Variants in HP1BP3 observed in about 807,000 individuals in gnomAD.
HP1BP3 encodes heterochromatin protein 1-binding protein 3.
A neutral mutation model predicts 62.5 loss-of-function variants in HP1BP3; 12 were observed. The ratio of observed to expected loss-of-function variants is 0.19; its 90% CI spans 0.12 to 0.31. The LOEUF (loss-of-function observed/expected upper bound fraction) is 0.31. Ranked by LOEUF, HP1BP3 falls within the 10% of genes least tolerant of loss-of-function variation. The pLI, the probability that HP1BP3 is intolerant of heterozygous loss-of-function variation, is 1.00. For missense variants in HP1BP3, 502 were observed against 651.8 expected (o/e 0.77, Z 2.50); for synonymous variants, 260 against 237.8 (o/e 1.09, Z -0.86).
Position 20,784,601 on chromosome 1 carries a change from T to G in HP1BP3, c.-101+2594A>C, listed in dbSNP as rs151040842. 5.1e-3 allele frequency among the ~76,000 whole-genome samples: 773 copies of G among 150,256 alleles called. 7 individuals carry two copies. Among genetic ancestry groups the G allele is most frequent in the African/African-American group, 0.018 (742 of 40,814 alleles). ...ACGCCATTCTCCTGCCTCAGCCTCC[T>G]GAGTAGCTGGGACTACAGGCGTCCG... On this transcript the variant is annotated intron_variant, in intron 1 of 12. Transcript: ENST00000438032.
intron 6 of HP1BP3, among the ~76,000 whole-genome samples, chr1:20,769,112 C>G (rs929514534): frequency 6.6e-6 from 1 of 152,172 alleles, no homozygotes; most frequent in African/African-American, 2.4e-5. Flanking sequence ...ATTTTAGAGA[C>G]AGGGTCTCAC....
intron 1 of HP1BP3, chr1:20,786,227 G>C (rs1358867782): frequency 6.6e-6 from 1 of 152,350 alleles, no homozygotes; most frequent in Non-Finnish European, 1.5e-5. Context: ...GCTCAGATGG[G>C]CGACTGTAAC....
chr1:20,783,020 G>A (rs2057643769), intron 1 of HP1BP3, among the ~76,000 whole-genome samples: 2 of 123,440 alleles, frequency 1.6e-5, no homozygotes, highest in East Asian at 4.0e-4. Context: ...ACTGAGATGG[G>A]AGGACTGCCA....
At chr1:20,775,935 C>A in intron 4 of HP1BP3, 1 of 1,495,756 alleles carries the variant, frequency 6.7e-7, no homozygotes. Flanking sequence ...CAATGCATGA[C>A]TATAGTTAAA....
intron 5 of HP1BP3, among the ~76,000 whole-genome samples, chr1:20,773,217 T>C (rs1293311190): frequency 6.6e-6 from 1 of 152,148 alleles, no homozygotes; most frequent in African/African-American, 2.4e-5. Flanking sequence ...CATTTAAAAA[T>C]TCTAAAGTTA....
chr1:20,776,061 T>TATAG lies in HP1BP3; in HGVS notation c.350+532_350+535dup. The TATAG allele has an allele frequency of 8.5e-6, 12 of 1,413,892 alleles. No homozygotes were observed. The South Asian group carries it at 1.7e-4, about 20-fold the overall frequency. 87.6% of individuals were successfully genotyped at this position (1,413,892 alleles called of 1,614,324 possible). ...TTAAAAAGTAACTGCCATCACTTTA[T>TATAG]ATAGATACACATCAATAGCAAATTT... On this transcript the variant is annotated intron_variant, in intron 4 of 12. Coordinates refer to ENST00000438032, the MANE Select transcript of HP1BP3 (RefSeq NM_001372052.1).
At position 20,782,773 on chromosome 1, in the gene HP1BP3, G is replaced by T. The variant is rs555621921; in HGVS notation, c.-100-2233C>A. 1.8e-3 allele frequency among the ~76,000 whole-genome samples: 276 copies of T among 151,418 alleles called. 2 individuals are homozygous for T. The highest frequency in any genetic ancestry group is 2.8e-3 in the Non-Finnish European group (191 of 67,844). On this transcript the variant is annotated intron_variant, in intron 1 of 12. Transcript: ENST00000438032. ...AAATTAGCCGGGTGTGGTGGTGCGC[G>T]CCTGTAATCCCAGATACTTGGGAGG...
chr1:20,768,306 C>T (rs1209511267), intron 6 of HP1BP3, among the ~76,000 whole-genome samples: 1 of 151,974 alleles, frequency 6.6e-6, no homozygotes, highest in African/African-American at 2.4e-5. Flanking sequence ...ATTAGCCGGG[C>T]GTGGTGGCGG....
chr1:20,781,681 C>T (rs537162244), intron 1 of HP1BP3, among the ~76,000 whole-genome samples: 7 of 152,180 alleles, frequency 4.6e-5, no homozygotes, highest in East Asian at 1.9e-4. Flanking sequence ...GGCTGGAGTG[C>T]GGTGGCACGA....
chr1:20,778,934 C>A (rs2057420727), intron 3 of HP1BP3, among the ~76,000 whole-genome samples: 1 of 152,060 alleles, frequency 6.6e-6, no homozygotes, highest in Admixed American at 6.6e-5. Flanking sequence ...GGATTACAGG[C>A]ATGCACCACC....
At chr1:20,783,490 A>G (rs1452802930) in intron 1 of HP1BP3, among the ~76,000 whole-genome samples, 1 of 148,198 alleles carries the variant, frequency 6.7e-6, no homozygotes, top group African/African-American at 2.5e-5. Context: ...CTGCACTCCA[A>G]GCCTGGGTGA....
In HP1BP3 at chr1:20,761,010, G is replaced by C. The variant is rs1236110749; in HGVS notation, c.891-3754C>G. Among the ~76,000 whole-genome samples, 3 of 152,082 alleles carry C rather than the reference G, an allele frequency of 2.0e-5. No individual in the cohort carries two copies. The East Asian group carries it at 5.8e-4, about 29-fold the overall frequency. On this transcript the variant is annotated intron_variant, in intron 8 of 12. Transcript: ENST00000438032. ...TGGCCTGGAAGAGAATGGTAGTGCA[G>C]GTGATGACAAGTAGTCTGTTTACTG...
Position 20,757,155 on chromosome 1 carries a change from T to C in HP1BP3, c.981+11A>G, listed in dbSNP as rs1404034520. On this transcript the variant is annotated intron_variant, in intron 9 of 12. Coordinates refer to ENST00000438032, the MANE Select transcript of HP1BP3 (RefSeq NM_001372052.1). ...AAGCACTTCTCCACAACCAGGCCTC[T>C]GATCTCTAACCTGGAATGTCCCCGA... The C allele has an allele frequency of 3.2e-6, 5 of 1,584,842 alleles. No individual in the cohort carries two copies. The Middle Eastern group carries it at 5.0e-4, about 158-fold the overall frequency.
intron 8 of HP1BP3, among the ~76,000 whole-genome samples, chr1:20,763,674 T>A (rs1406984156): frequency 6.6e-6 from 1 of 152,238 alleles, no homozygotes; most frequent in Non-Finnish European, 1.5e-5. Context: ...CAAATTGATA[T>A]ATCTGCATGA....
chr1:20,786,135 C>T (rs898218661), intron 1 of HP1BP3: 3 of 152,278 alleles, frequency 2.0e-5, no homozygotes, highest in Non-Finnish European at 4.4e-5. Flanking sequence ...AGTGGCTGTC[C>T]CCGGTCACAG....
chr1:20,764,256 G>T (rs753286895), intron 8 of HP1BP3, among the ~76,000 whole-genome samples: 1 of 151,162 alleles, frequency 6.6e-6, no homozygotes, highest in Non-Finnish European at 1.5e-5. Context: ...TGAACTTTAT[G>T]TATTACTTTC....
At chr1:20,747,735 C>T in intron 10 of HP1BP3, 80 bp from the exon 11 acceptor site, 1 of 776,752 alleles carries the variant, frequency 1.3e-6, no homozygotes, top group Admixed American at 2.2e-5. Flanking sequence ...AGATGCCCAT[C>T]AATTTAATAT....
chr1:20,755,079 C>G lies in HP1BP3; in HGVS notation c.981+2087G>C, dbSNP rs573973677. On this transcript the variant is annotated intron_variant, in intron 9 of 12. Coordinates refer to ENST00000438032, the MANE Select transcript of HP1BP3 (RefSeq NM_001372052.1). ...TGAATTCTTGTTAACGAATAACCAA[C>G]CCCCTTTTAAAAATGGGCAAAAGAT... Among the ~76,000 whole-genome samples, 3 of 152,262 alleles carry G rather than the reference C, an allele frequency of 2.0e-5. No homozygotes were observed. The East Asian group carries it at 5.8e-4, about 29-fold the overall frequency.
intron 4 of HP1BP3, chr1:20,774,512 A>G (rs1461811697): frequency 1.3e-5 from 2 of 152,224 alleles, no homozygotes; most frequent in East Asian, 3.8e-4. Context: ...GCTGTGTAAC[A>G]ATATTTGGTC....
Sources: gnomAD v4.1 joint callset for allele counts (sites outside exome capture counted in the v4.1 genomes callset) on GRCh38, gnomAD v4.1.1 for gene constraint, MANE v1.5 for transcripts, NCBI Gene and HGNC (gene_info 2026-07-23, HGNC 2026-07-21) for gene names.